The following FAT1 variants were observed in gnomAD, a reference collection of about 807,000 sequenced individuals.
FAT1 encodes protocadherin Fat 1.
A neutral mutation model predicts 329.8 loss-of-function variants in FAT1; 171 were observed. The observed-to-expected ratio is 0.52, with a 90% CI of 0.46 to 0.59. The LOEUF is 0.59. Among genes scored for constraint, FAT1 ranks in the 20% least tolerant of loss-of-function variants. The pLI is 0.00. For missense variants in FAT1, 5,672 were observed against 5,774.4 expected (o/e 0.98, Z 0.57); for synonymous variants, 2,233 against 2,228.6 (o/e 1.00, Z -0.06).
chr4:186,674,440 C>T (rs891018333), intron 2 of FAT1, among the ~76,000 whole-genome samples: 1 of 152,202 alleles, frequency 6.6e-6, no homozygotes, highest in Non-Finnish European at 1.5e-5. Flanking sequence ...CCAGAGGGTA[C>T]TATCTCCATG....
intron 16 of FAT1, among the ~76,000 whole-genome samples, chr4:186,608,942 A>C (rs955738078): frequency 6.6e-6 from 1 of 152,228 alleles, no homozygotes. Flanking sequence ...AGAACACTGG[A>C]ACCAACAGTA....
At position 186,617,114 on chromosome 4, in the gene FAT1, C is replaced by A; in HGVS notation, c.8966G>T (p.Arg2989Met). Residue 2989 changes from arginine (R) to methionine (M), a missense_variant, in exon 11 of 27, where the codon AGG becomes ATG. Physicochemically the swap from Arg to Met is moderately conservative, Grantham distance 91. Coordinates refer to ENST00000441802, the MANE Select transcript of FAT1 (RefSeq NM_005245.4). ...CGTGATAGTAAGAAGGTAATTGTCC[C>A]TTTTTTCCCTGTCTAGAGGTTTCTT... ...YVKKPLDREK[R>M]DNYLLTITAT... 6.2e-7 allele frequency: 1 copy of A among 1,613,876 alleles called. No homozygotes were observed. The highest frequency in any genetic ancestry group is 8.5e-7 in the Non-Finnish European group (1 of 1,179,814).
At chr4:186,721,324 C>T in intron 1 of FAT1, among the ~76,000 whole-genome samples, 1 of 152,186 alleles carries the variant, frequency 6.6e-6, no homozygotes, top group East Asian at 1.9e-4. Context: ...AAGTTCCCCT[C>T]AGGTATGAGA....
At chr4:186,651,508 T>C (rs991289563) in intron 3 of FAT1, among the ~76,000 whole-genome samples, 4 of 152,146 alleles carry the variant, frequency 2.6e-5, no homozygotes, top group African/African-American at 9.7e-5. Context: ...TGGCTGCTTT[T>C]AAAAATCTTT....
intron 2 of FAT1, among the ~76,000 whole-genome samples, chr4:186,683,876 C>T (rs1032283772): frequency 2.0e-5 from 3 of 151,854 alleles, no homozygotes; most frequent in Admixed American, 1.3e-4. Context: ...AGTGATCCTT[C>T]CAAAAAGATT....
Position 186,620,728 on chromosome 4 carries a change from C to G in FAT1, c.5858G>C (p.Arg1953Thr), listed in dbSNP as rs1308364277. Residue 1953 changes from arginine to threonine, a missense_variant, in exon 10 of 27, where the codon AGA becomes ACA. By Grantham distance (71) the Arg-to-Thr change is moderately conservative. Around this residue, in one of 2 missense-constraint regions of FAT1, gnomAD observed 3,966 missense variants for 3,915.2 expected, o/e 1.01. Transcript: ENST00000441802. ...GCCGGCAAATCTGCCATCGGAAGCTCTAACGGTTAGCTCGTAGCGGCTTCT... is the reference window on the plus strand; with the variant it reads ...GCCGGCAAATCTGCCATCGGAAGCTGTAACGGTTAGCTCGTAGCGGCTTCT... ...QLRSRYELTV[R>T]ASDGRFAGLT... 6.2e-7 allele frequency: 1 copy of G among 1,614,028 alleles called. No individual in the cohort carries two copies. Among genetic ancestry groups the G allele is most frequent in the Non-Finnish European group, 8.5e-7 (1 of 1,179,908 alleles).
chr4:186,657,628 C>T (rs1741966724), intron 3 of FAT1, among the ~76,000 whole-genome samples: 1 of 152,028 alleles, frequency 6.6e-6, no homozygotes, highest in Admixed American at 6.6e-5. Flanking sequence ...TAAATATGTG[C>T]AATTTGCTGT....
chr4:186,609,863 T>G lies in FAT1; in HGVS notation c.10006A>C (p.Ser3336Arg). ...ATGACTGTCGTGTAGGTGTCTTGGC[T>G]GAACACAGGGGTATTATCGTTGATA... ...TDINDNTPVF[S>R]QDTYTTVISE... Residue 3336 changes from serine (S) to arginine (R), a missense_variant, in exon 15 of 27, where the codon AGC (serine) becomes CGC (arginine). Physicochemically the swap from Ser to Arg is moderately radical, Grantham distance 110. This residue lies in a region of FAT1 where 1,706 missense variants were observed against 1,859.1 expected (regional missense o/e 0.92). Coordinates refer to ENST00000441802, the MANE Select transcript of FAT1 (RefSeq NM_005245.4). 7 of 1,613,870 alleles carry G rather than the reference T, an allele frequency of 4.3e-6. No individual in the cohort carries two copies. The highest frequency in any genetic ancestry group is 5.9e-6 in the Non-Finnish European group (7 of 1,179,768).
At chr4:186,622,601 T>G (rs1229617037) in intron 9 of FAT1, among the ~76,000 whole-genome samples, 1 of 152,188 alleles carries the variant, frequency 6.6e-6, no homozygotes, top group Non-Finnish European at 1.5e-5. Context: ...CCTCCTTTTC[T>G]TTGGACCTTT....
chr4:186,656,305 T>C (rs1045947433), intron 3 of FAT1, among the ~76,000 whole-genome samples: 55 of 152,166 alleles, frequency 3.6e-4, no homozygotes, highest in African/African-American at 1.3e-3. Context: ...TCATCTGCTA[T>C]CCCGAGTCCT....
chr4:186,707,149 T>C lies in FAT1; in HGVS notation c.2679A>G (p.Leu893=). The C allele has an allele frequency of 6.2e-7, 1 of 1,613,932 alleles. No individual in the cohort carries two copies. The highest frequency in any genetic ancestry group is 1.7e-5 in the Admixed American group (1 of 60,030). ...LDRELQHEHS[L]KIEARDQARE... Reference sequence around the variant, plus strand: ...TGGCTTGGTCCCTGGCCTCAATCTTTAAGGAGTGCTCATGCTGCAGCTCTC... The same window carrying C: ...TGGCTTGGTCCCTGGCCTCAATCTTCAAGGAGTGCTCATGCTGCAGCTCTC... Residue 893 remains leucine (L), a synonymous_variant, in exon 2 of 27, where the codon TTA becomes TTG. Coordinates refer to ENST00000441802, the MANE Select transcript of FAT1 (RefSeq NM_005245.4).
chr4:186,677,512 C>T (rs1024842963), intron 2 of FAT1, among the ~76,000 whole-genome samples: 4 of 150,558 alleles, frequency 2.7e-5, no homozygotes, highest in East Asian at 1.9e-4. Flanking sequence ...TAATGAAGAA[C>T]GGTGTATCAT....
chr4:186,683,644 T>A (rs556957817), intron 2 of FAT1, among the ~76,000 whole-genome samples: 3 of 152,256 alleles, frequency 2.0e-5, no homozygotes, highest in Admixed American at 6.5e-5. Flanking sequence ...CTGCGGCCCC[T>A]GGAGCAGGCA....
intron 2 of FAT1, among the ~76,000 whole-genome samples, chr4:186,675,782 A>AACACACACACACAC (rs66981811): frequency 3.5e-5 from 5 of 143,110 alleles, no homozygotes; most frequent in South Asian, 2.4e-4. Context: ...CCCTGTCTAA[A>AACACACACACACAC]ACACACACAC....
intron 3 of FAT1, among the ~76,000 whole-genome samples, chr4:186,643,309 G>A (rs1300054): frequency 0.59 from 90,230 of 152,020 alleles, 28,130 homozygotes; most frequent in African/African-American, 0.8. Context: ...AAACCCTGCA[G>A]GGTGGGTTTA....
chr4:186,610,865 T>C (rs1323707275), intron 14 of FAT1, among the ~76,000 whole-genome samples: 1 of 151,704 alleles, frequency 6.6e-6, no homozygotes, highest in East Asian at 1.9e-4. Context: ...GCAGTTCCTA[T>C]GCCTTTTGAG....
intron 16 of FAT1, among the ~76,000 whole-genome samples, chr4:186,607,847 A>G (rs1218786509): frequency 6.6e-6 from 1 of 152,016 alleles, no homozygotes; most frequent in African/African-American, 2.4e-5. Flanking sequence ...GCCTCTCCTT[A>G]TTTGTTCATA....
At chr4:186,627,981 T>TAA (rs146547583) in intron 9 of FAT1, among the ~76,000 whole-genome samples, 173 bp downstream of exon 9, 122 of 146,458 alleles carry the variant, frequency 8.3e-4, no homozygotes, top group African/African-American at 2.5e-3. Context: ...GGCTAAAAGT[T>TAA]AAAAAAAAAA....
chr4:186,646,783 C>T (rs887026566), intron 3 of FAT1, among the ~76,000 whole-genome samples: 8 of 151,808 alleles, frequency 5.3e-5, no homozygotes, highest in African/African-American at 1.9e-4. Context: ...TACTGCCCTG[C>T]CATGCTCCTG....
Sources: allele counts gnomAD v4.1 joint callset (sites outside exome capture counted in the v4.1 genomes callset), GRCh38; gene constraint gnomAD v4.1.1; regional missense constraint gnomAD v4.1.1; transcripts MANE v1.5; gene names NCBI Gene and HGNC (gene_info 2026-07-23, HGNC 2026-07-21).